Variants in NCKAP5 observed in about 807,000 individuals in gnomAD.
NCKAP5 encodes the protein nck-associated protein 5.
Under a neutral mutation model 167.0 loss-of-function variants are expected in NCKAP5, and 92 were observed. That is an observed-to-expected ratio of 0.55 (90% CI 0.47 to 0.66). The LOEUF (loss-of-function observed/expected upper bound fraction) is 0.66, where lower values mean the gene tolerates loss of function less well. Ranked by LOEUF, NCKAP5 falls within the 30% of genes least tolerant of loss-of-function variation. The pLI, the probability that NCKAP5 is intolerant of heterozygous loss-of-function variation, is 0.00. For synonymous variants in NCKAP5, 891 were observed against 877.4 expected (o/e 1.02, Z -0.27); for missense variants, 2,378 against 2,315.0 (o/e 1.03, Z -0.56).
At chr2:133,433,072 C>G (rs1450946223) in intron 3 of NCKAP5, among the ~76,000 whole-genome samples, 1 of 152,124 alleles carries the variant, frequency 6.6e-6, no homozygotes, top group South Asian at 2.1e-4. Context: ...CAGCAAAACA[C>G]AGAAAACAGT....
chr2:133,551,050 C>A (rs1687249511), intron 2 of NCKAP5, among the ~76,000 whole-genome samples: 1 of 151,176 alleles, frequency 6.6e-6, no homozygotes, highest in Non-Finnish European at 1.5e-5. Context: ...ATGTGAAGGA[C>A]CTCTTCAAGG....
intron 2 of NCKAP5, among the ~76,000 whole-genome samples, chr2:133,539,097 C>T (rs1223969624): frequency 2.0e-5 from 3 of 151,930 alleles, no homozygotes; most frequent in South Asian, 2.1e-4. Context: ...CCAGCCACCA[C>T]GCCCGGCTAA....
At chr2:132,909,449 C>G (rs1170064094) in intron 8 of NCKAP5, among the ~76,000 whole-genome samples, 1 of 152,194 alleles carries the variant, frequency 6.6e-6, no homozygotes, top group Non-Finnish European at 1.5e-5. Context: ...ATTTCCCAGG[C>G]AGCAATCTCA....
At chr2:132,967,758 A>G (rs1377167967) in intron 7 of NCKAP5, among the ~76,000 whole-genome samples, 13 of 152,230 alleles carry the variant, frequency 8.5e-5, no homozygotes. Context: ...ATTATATTCT[A>G]ATGTTGGTAA....
At chr2:133,297,627 C>T (rs1472614024) in intron 4 of NCKAP5, among the ~76,000 whole-genome samples, 2 of 152,284 alleles carry the variant, frequency 1.3e-5, no homozygotes, top group South Asian at 2.1e-4. Context: ...AATCTTTGCA[C>T]CTAGTCCTAT....
chr2:132,700,928 G>A (rs1687809983), intron 19 of NCKAP5, among the ~76,000 whole-genome samples: 1 of 96,684 alleles, frequency 1.0e-5, no homozygotes. Context: ...CAATCCCCTG[G>A]GCGGGGGGGG....
intron 8 of NCKAP5, among the ~76,000 whole-genome samples, chr2:132,903,129 A>G (rs1693754679): frequency 6.6e-6 from 1 of 152,208 alleles, no homozygotes; most frequent in African/African-American, 2.4e-5. Context: ...GCACTGAAGA[A>G]GATGCCTAGT....
intron 11 of NCKAP5, among the ~76,000 whole-genome samples, chr2:132,812,146 G>A (rs529519924): frequency 4.6e-5 from 7 of 152,140 alleles, no homozygotes; most frequent in African/African-American, 7.2e-5. Flanking sequence ...CTGCAGGAGC[G>A]GTCGCTTCCT....
intron 4 of NCKAP5, among the ~76,000 whole-genome samples, chr2:133,262,831 A>AT (rs1335830423): frequency 6.6e-6 from 1 of 152,212 alleles, no homozygotes; most frequent in Non-Finnish European, 1.5e-5. Context: ...TGTTCTCCAA[A>AT]AATGCCCCTT....
chr2:132,963,144 C>T (rs188326764), intron 8 of NCKAP5, among the ~76,000 whole-genome samples: 90 of 152,270 alleles, frequency 5.9e-4, no homozygotes, highest in African/African-American at 1.4e-3. Context: ...TCGAATGCCA[C>T]GAAGTAACAG....
intron 2 of NCKAP5, among the ~76,000 whole-genome samples, chr2:133,523,638 A>C (rs1409637193): frequency 6.6e-6 from 1 of 152,192 alleles, no homozygotes; most frequent in African/African-American, 2.4e-5. Flanking sequence ...TCCACATCTA[A>C]ATTCAAGATG....
intron 3 of NCKAP5, among the ~76,000 whole-genome samples, chr2:133,453,350 G>A (rs1691662666): frequency 6.6e-6 from 1 of 152,054 alleles, no homozygotes; most frequent in East Asian, 1.9e-4. Flanking sequence ...AATAGTTTTA[G>A]ACAGAACTGC....
At chr2:133,429,330 A>G (rs573980795) in intron 3 of NCKAP5, among the ~76,000 whole-genome samples, 1 of 152,060 alleles carries the variant, frequency 6.6e-6, no homozygotes, top group Non-Finnish European at 1.5e-5. Context: ...GGATTCATGC[A>G]GTACATGTGC....
At chr2:133,123,859 T>C (rs2082322121) in intron 6 of NCKAP5, 2 of 469,786 alleles carry the variant, frequency 4.3e-6, no homozygotes, top group East Asian at 1.4e-4. Flanking sequence ...AGGGAGTACA[T>C]GGGTAGAACA....
At chr2:133,116,411 C>G (rs1164222507) in intron 6 of NCKAP5, among the ~76,000 whole-genome samples, 1 of 91,708 alleles carries the variant, frequency 1.1e-5, no homozygotes, top group Non-Finnish European at 2.0e-5. Flanking sequence ...TGGCGTGAAC[C>G]CGGGAGGCGG....
chr2:133,408,926 C>A (rs1407453514), intron 3 of NCKAP5, among the ~76,000 whole-genome samples: 1 of 152,204 alleles, frequency 6.6e-6, no homozygotes, highest in Non-Finnish European at 1.5e-5. Context: ...CCCAGCCACA[C>A]ACAGCAGGGA....
intron 11 of NCKAP5, among the ~76,000 whole-genome samples, chr2:132,854,177 T>A (rs1689287755): frequency 6.6e-6 from 1 of 152,230 alleles, no homozygotes; most frequent in Non-Finnish European, 1.5e-5. Context: ...TACCTTGATT[T>A]CCTTATAACA....
chr2:132,738,813 G>A (rs1034516291), intron 16 of NCKAP5, among the ~76,000 whole-genome samples: 1 of 151,962 alleles, frequency 6.6e-6, no homozygotes, highest in African/African-American at 2.4e-5. Context: ...AGGGGGGTGA[G>A]TGCCAGACTC....
chr2:133,217,978 T>A (rs2086503007), intron 4 of NCKAP5, among the ~76,000 whole-genome samples: 1 of 152,068 alleles, frequency 6.6e-6, no homozygotes, highest in Non-Finnish European at 1.5e-5. Flanking sequence ...AGTAAATTCC[T>A]AAGTAAGAGC....
Sources: allele counts gnomAD v4.1 joint callset (sites outside exome capture counted in the v4.1 genomes callset), GRCh38; gene constraint gnomAD v4.1.1; transcripts MANE v1.5; gene names NCBI Gene and HGNC (gene_info 2026-07-23, HGNC 2026-07-21).